CNBD1: variants seen among roughly 807,000 people sequenced by gnomAD.
The protein encoded by CNBD1 is cyclic nucleotide-binding domain-containing protein 1.
Under a neutral mutation model 54.4 loss-of-function variants are expected in CNBD1, and 71 were observed. The ratio of observed to expected loss-of-function variants is 1.30; its 90% CI spans 1.08 to 1.59. The LOEUF is 1.59. Among genes scored for constraint, CNBD1 ranks in the 40% most tolerant of loss-of-function variants. The pLI, the probability that CNBD1 is intolerant of heterozygous loss-of-function variation, is 0.00. For missense variants in CNBD1, 659 were observed against 518.0 expected (o/e 1.27, Z -2.64); for synonymous variants, 182 against 170.7 (o/e 1.07, Z -0.51).
chr8:87,284,193 G>GTCATGAATTATTC (rs1808649280), intron 6 of CNBD1, among the ~76,000 whole-genome samples: 1 of 151,920 alleles, frequency 6.6e-6, no homozygotes, highest in Non-Finnish European at 1.5e-5. Context: ...ATGTATTCTA[G>GTCATGAATTATTC]TAGTAACATT....
intron 4 of CNBD1, among the ~76,000 whole-genome samples, chr8:87,188,922 A>G (rs1249457451): frequency 2.0e-5 from 3 of 151,380 alleles, no homozygotes; most frequent in African/African-American, 4.9e-5. Context: ...ACTTTTGAGC[A>G]CAAGAAAAAG....
intron 2 of CNBD1, among the ~76,000 whole-genome samples, chr8:86,894,409 A>G (rs778493255): frequency 6.6e-6 from 1 of 152,210 alleles, no homozygotes; most frequent in Non-Finnish European, 1.5e-5. Context: ...AATTGAGTAG[A>G]AAGTATAATT....
At chr8:87,046,749 G>C (rs551801769) in intron 4 of CNBD1, among the ~76,000 whole-genome samples, 1 of 152,244 alleles carries the variant, frequency 6.6e-6, no homozygotes, top group East Asian at 1.9e-4. Flanking sequence ...ACACTAGGTG[G>C]GAAGGATCCT....
chr8:87,274,131 T>C (rs188352228), intron 6 of CNBD1, among the ~76,000 whole-genome samples: 1 of 152,030 alleles, frequency 6.6e-6, no homozygotes, highest in African/African-American at 2.4e-5. Flanking sequence ...TAGTATTCCA[T>C]AGTGTATATG....
intron 4 of CNBD1, among the ~76,000 whole-genome samples, chr8:86,984,904 T>TG (rs1808570542): frequency 6.6e-6 from 1 of 152,068 alleles, no homozygotes; most frequent in Non-Finnish European, 1.5e-5. Flanking sequence ...GGGGGACTGT[T>TG]GGGAAGGCAT....
intron 4 of CNBD1, among the ~76,000 whole-genome samples, chr8:87,004,676 T>TA (rs1293254103): frequency 6.6e-6 from 1 of 152,106 alleles, no homozygotes; most frequent in Non-Finnish European, 1.5e-5. Context: ...ACAGGATAGA[T>TA]ACGCTATCTA....
chr8:87,415,708 T>G (rs2130988754), intron 2 of CNBD1, among the ~76,000 whole-genome samples: 1 of 151,996 alleles, frequency 6.6e-6, no homozygotes, highest in South Asian at 2.1e-4. Context: ...TGTCCAAACT[T>G]CAAGAATTGA....
At chr8:87,317,834 C>T (rs919171972) in intron 8 of CNBD1, among the ~76,000 whole-genome samples, 4 of 151,840 alleles carry the variant, frequency 2.6e-5, no homozygotes, top group African/African-American at 7.2e-5. Flanking sequence ...TAAGATTAGG[C>T]TCACTGAATT....
intron 4 of CNBD1, among the ~76,000 whole-genome samples, chr8:87,143,085 A>C (rs550002988): frequency 8.3e-4 from 127 of 152,260 alleles, no homozygotes; most frequent in African/African-American, 2.8e-3. Flanking sequence ...ATTATAGTTA[A>C]TAGCTTTTAC....
intron 2 of CNBD1, 129 bp downstream of exon 2, chr8:86,887,740 A>T: frequency 1.6e-6 from 1 of 611,880 alleles, no homozygotes; most frequent in East Asian, 3.0e-5. Context: ...AGATAAAAAC[A>T]GTTGAAAACC....
chr8:86,887,481 T>A, intron 1 of CNBD1, 61 bp from the exon 2 acceptor site: 1 of 1,046,154 alleles, frequency 9.6e-7, no homozygotes, highest in Non-Finnish European at 1.4e-6. Flanking sequence ...AAACTCTATT[T>A]ACACACTTGC....
At chr8:86,981,272 C>T (rs1357384005) in intron 4 of CNBD1, among the ~76,000 whole-genome samples, 1 of 152,182 alleles carries the variant, frequency 6.6e-6, no homozygotes, top group African/African-American at 2.4e-5. Context: ...TACCACTGAA[C>T]TGTAACATCA....
chr8:87,289,504 G>GA (rs1483710792), intron 8 of CNBD1, among the ~76,000 whole-genome samples: 6 of 152,006 alleles, frequency 3.9e-5, no homozygotes, highest in Non-Finnish European at 5.9e-5. Flanking sequence ...ATGGATATAA[G>GA]AAAAAATGGT....
intron 4 of CNBD1, among the ~76,000 whole-genome samples, chr8:86,987,550 T>C (rs894850638): frequency 1.3e-5 from 2 of 152,146 alleles, no homozygotes; most frequent in Middle Eastern, 3.4e-3. Flanking sequence ...TGAATAGGAG[T>C]GGTGAGAGTG....
rs541465747 is a variant in CNBD1, at chr8:87,166,332, C to T, written c.432-39661C>T. ...TGCTTGGTTCCATTTTTACTGATGTCGCTTGTCTCCAGGTCACCATAGCTT... is the reference window on the plus strand; with the variant it reads ...TGCTTGGTTCCATTTTTACTGATGTTGCTTGTCTCCAGGTCACCATAGCTT... On this transcript the variant is annotated intron_variant, in intron 4 of 10. Transcript: ENST00000518476. The surrounding 1 kb of genome is among the most constrained non-coding windows in gnomAD (Gnocchi z 4.3). 1.8e-4 allele frequency among the ~76,000 whole-genome samples: 27 copies of T among 151,964 alleles called. No individual in the cohort carries two copies. The highest frequency in any genetic ancestry group is 1.6e-4 in the Non-Finnish European group (11 of 67,894).
intron 6 of CNBD1, among the ~76,000 whole-genome samples, chr8:87,251,845 C>A (rs1807924460): frequency 6.6e-6 from 1 of 152,110 alleles, no homozygotes; most frequent in African/African-American, 2.4e-5. Context: ...ATGAATAATT[C>A]TTCTGTATTT....
At chr8:87,340,920 T>A (rs1449017749) in intron 8 of CNBD1, among the ~76,000 whole-genome samples, 2 of 152,126 alleles carry the variant, frequency 1.3e-5, no homozygotes, top group East Asian at 1.9e-4. Flanking sequence ...TTTATTTATA[T>A]CTTGATTCAT....
intron 8 of CNBD1, among the ~76,000 whole-genome samples, chr8:87,320,331 T>G (rs1374395085): frequency 6.6e-6 from 1 of 152,082 alleles, no homozygotes; most frequent in African/African-American, 2.4e-5. Context: ...TTTCTACAGT[T>G]TAGTTAAAAC....
chr8:87,337,695 T>C (rs1345979306), intron 8 of CNBD1, among the ~76,000 whole-genome samples: 2 of 152,202 alleles, frequency 1.3e-5, no homozygotes, highest in African/African-American at 2.4e-5. Flanking sequence ...ACTCATTGCC[T>C]CCCTTGGCTG....
Sources: allele counts gnomAD v4.1 joint callset (sites outside exome capture counted in the v4.1 genomes callset), GRCh38; gene constraint gnomAD v4.1.1; non-coding constraint Gnocchi (gnomAD v3.1); transcripts MANE v1.5; gene names NCBI Gene and HGNC (gene_info 2026-07-23, HGNC 2026-07-21).